The following H3C7 variants were observed in gnomAD, a reference collection of about 807,000 sequenced individuals.
H3C7 encodes H3 clustered histone 7, also known as histone H3.1.
In H3C7, 6 loss-of-function variants were observed where a neutral mutation model predicts 7.6. The observed-to-expected ratio is 0.79, with a 90% CI of 0.43 to 1.56. The LOEUF (loss-of-function observed/expected upper bound fraction) is 1.56. H3C7 is among the 40% of genes most tolerant of loss of function. The pLI is 0.01. For missense variants in H3C7, 163 were observed against 189.8 expected (o/e 0.86, Z 0.83); for synonymous variants, 113 against 77.9 (o/e 1.45, Z -2.38).
In H3C7 at chr6:26,250,555, C is replaced by A. The variant is rs781049383; in HGVS notation, c.51G>T (p.Pro17=). Residue 17 remains proline (P), a synonymous_variant, in exon 1 of 1, where the codon CCG becomes CCT. Coordinates refer to ENST00000618052, the MANE Select transcript of H3C7 (RefSeq NM_021018.3). ...CCGCCTTAGTGGCCAGCTGCTTGCG[C>A]GGGGCTTTGCCGCCAGTGGACTTAC... ...TARKSTGGKA[P]RKQLATKAAR... The A allele has an allele frequency of 1.9e-6, 3 of 1,613,766 alleles. No individual in the cohort carries two copies. In the Admixed American group the frequency reaches 5.0e-5, roughly 27 times the overall value.
chr6:26,250,305 G>C lies in H3C7; in HGVS notation c.301C>G (p.Leu101Val), dbSNP rs200676364. Residue 101 changes from leucine to valine, a missense_variant, in exon 1 of 1, where the codon CTG becomes GTG. By Grantham distance (32) the Leu-to-Val change is conservative. Coordinates refer to ENST00000618052, the MANE Select transcript of H3C7 (RefSeq NM_021018.3). ...MALQEACEAY[L>V]VGLFEDTNLC... ...TTGGTGTCCTCAAAGAGCCCCACCAGGTAAGCCTCGCAGGCCTCCTGCAGC... is the reference window on the plus strand; with the variant it reads ...TTGGTGTCCTCAAAGAGCCCCACCACGTAAGCCTCGCAGGCCTCCTGCAGC... 6.2e-7 allele frequency: 1 copy of C among 1,614,246 alleles called. No individual in the cohort carries two copies. Among genetic ancestry groups the C allele is most frequent in the East Asian group, 2.2e-5 (1 of 44,882 alleles).
In H3C7 at chr6:26,250,308, A is replaced by C. The variant is rs1331582268; in HGVS notation, c.298T>G (p.Tyr100Asp). Residue 100 changes from tyrosine to aspartate, a missense_variant, in exon 1 of 1, where the codon TAC becomes GAC. Tyr to Asp is a radical substitution (Grantham distance 160, BLOSUM62 -3). Coordinates refer to ENST00000618052, the MANE Select transcript of H3C7 (RefSeq NM_021018.3). ...VMALQEACEA[Y>D]LVGLFEDTNL... The stretch of plus-strand genomic sequence containing the variant: ...GTGTCCTCAAAGAGCCCCACCAGGT[A>C]AGCCTCGCAGGCCTCCTGCAGCGCC... 1 of 1,614,244 alleles carries C rather than the reference A, an allele frequency of 6.2e-7. No individual in the cohort carries two copies. The highest frequency in any genetic ancestry group is 8.5e-7 in the Non-Finnish European group (1 of 1,180,032).
chr6:26,250,363 G>A lies in H3C7; in HGVS notation c.243C>T (p.Thr81=), dbSNP rs760469707. The change falls in exon 1 of 1, where the codon ACC becomes ACT. Residue 81 remains threonine, a synonymous_variant. Transcript: ENST00000618052. ...LVREIAQDFK[T]DLRFQSSAVM... Reference sequence around the variant, plus strand: ...CAGCCGAGCTCTGGAAGCGCAGGTCGGTCTTGAAGTCCTGCGCGATCTCAC... The same window carrying A: ...CAGCCGAGCTCTGGAAGCGCAGGTCAGTCTTGAAGTCCTGCGCGATCTCAC... 3 of 1,614,204 alleles carry A rather than the reference G, an allele frequency of 1.9e-6. No homozygotes were observed. Among genetic ancestry groups the A allele is most frequent in the East Asian group, 4.5e-5 (2 of 44,886 alleles).
At position 26,250,280 on chromosome 6, in the gene H3C7, T is replaced by C. The variant is rs1158267252; in HGVS notation, c.326A>G (p.Asn109Ser). 1.9e-6 allele frequency: 3 copies of C among 1,614,216 alleles called. No homozygotes were observed. Among genetic ancestry groups the C allele is most frequent in the Non-Finnish European group, 2.5e-6 (3 of 1,180,034 alleles). ...TCGCTTGGCGTGGATAGCACACAGG[T>C]TGGTGTCCTCAAAGAGCCCCACCAG... ...AYLVGLFEDT[N>S]LCAIHAKRVT... Residue 109 changes from asparagine to serine, a missense_variant, in exon 1 of 1, where the codon AAC becomes AGC. This residue lies in a region of H3C7 where 111 missense variants were observed against 104.1 expected (regional missense o/e 1.07). Transcript: ENST00000618052.
chr6:26,250,521 T>A lies in H3C7; in HGVS notation c.85A>T (p.Ser29Cys). Residue 29 changes from serine to cysteine, a missense_variant, in exon 1 of 1, where the codon AGC becomes TGC. Ser to Cys is a moderately radical substitution (Grantham distance 112, BLOSUM62 -1). This residue lies in a region of H3C7 where 52 missense variants were observed against 85.7 expected (regional missense o/e 0.61). Transcript: ENST00000618052. ...KQLATKAARK[S>C]APATGGVKKP... is the part of the protein sequence containing the mutation. ...TTCACGCCACCGGTGGCTGGCGCGC[T>A]TTTGCGAGCCGCCTTAGTGGCCAGC... 6.2e-7 allele frequency: 1 copy of A among 1,614,036 alleles called. No homozygotes were observed. Among genetic ancestry groups the A allele is most frequent in the Non-Finnish European group, 8.5e-7 (1 of 1,179,984 alleles).
chr6:26,250,274 C>A lies in H3C7; in HGVS notation c.332G>T (p.Cys111Phe). The change falls in exon 1 of 1, where the codon TGT becomes TTT. Residue 111 changes from cysteine (C) to phenylalanine (F), a missense_variant. Cys to Phe is a radical substitution (Grantham distance 205). Transcript: ENST00000618052. ...AGTCACTCGCTTGGCGTGGATAGCA[C>A]ACAGGTTGGTGTCCTCAAAGAGCCC... ...LVGLFEDTNL[C>F]AIHAKRVTIM... 1 of 1,614,254 alleles carries A rather than the reference C, an allele frequency of 6.2e-7. No homozygotes were observed. Among genetic ancestry groups the A allele is most frequent in the Non-Finnish European group, 8.5e-7 (1 of 1,180,050 alleles).
In H3C7 at chr6:26,250,537, A is replaced by C. The variant is rs1467280056; in HGVS notation, c.69T>G (p.Thr23=). 3 of 1,614,024 alleles carry C rather than the reference A, an allele frequency of 1.9e-6. No homozygotes were observed. In the South Asian group the frequency reaches 3.3e-5, roughly 18 times the overall value. Residue 23 remains threonine, a synonymous_variant, in exon 1 of 1, where the codon ACT becomes ACG. Coordinates refer to ENST00000618052, the MANE Select transcript of H3C7 (RefSeq NM_021018.3). ...CTGGCGCGCTTTTGCGAGCCGCCTT[A>C]GTGGCCAGCTGCTTGCGCGGGGCTT... ...GGKAPRKQLA[T]KAARKSAPAT...
rs745680126 is a variant in H3C7 at position 26,250,567 on chromosome 6, G to C, written c.39C>G (p.Gly13=). The part of the protein sequence containing the change: ...RTKQTARKST[G]GKAPRKQLAT... The stretch of plus-strand genomic sequence containing the variant: ...CCAGCTGCTTGCGCGGGGCTTTGCC[G>C]CCAGTGGACTTACGAGCTGTTTGCT... Residue 13 remains glycine, a synonymous_variant, in exon 1 of 1, where the codon GGC becomes GGG. Transcript: ENST00000618052. 1 of 1,613,694 alleles carries C rather than the reference G, an allele frequency of 6.2e-7. No homozygotes were observed. Among genetic ancestry groups the C allele is most frequent in the South Asian group, 1.1e-5 (1 of 91,072 alleles).
chr6:26,250,344 A>T lies in H3C7; in HGVS notation c.262T>A (p.Ser88Thr), dbSNP rs1265784340. The T allele has an allele frequency of 1.2e-6, 2 of 1,614,040 alleles. No individual in the cohort carries two copies. Among genetic ancestry groups the T allele is most frequent in the Non-Finnish European group, 1.7e-6 (2 of 1,180,030 alleles). The part of the protein sequence containing the change: ...DFKTDLRFQS[S>T]AVMALQEACE... ...GCCTCCTGCAGCGCCATCACAGCCG[A>T]GCTCTGGAAGCGCAGGTCGGTCTTG... Residue 88 changes from serine (S) to threonine (T), a missense_variant, in exon 1 of 1, where the codon TCG becomes ACG. Ser to Thr is a moderately conservative substitution (Grantham distance 58). Around this residue, in one of 2 missense-constraint regions of H3C7, gnomAD observed 111 missense variants for 104.1 expected, o/e 1.07. Transcript: ENST00000618052.
Position 26,250,182 on chromosome 6 carries a change from C to T in H3C7, c.*13G>A, listed in dbSNP as rs886518808. On this transcript the variant is annotated 3_prime_UTR_variant, in exon 1 of 1. Transcript: ENST00000618052. The stretch of plus-strand genomic sequence containing the variant: ...AGCCTTTGGTTTAAGTTGGCGCACA[C>T]CCTCAGTACAACTTATGCCCTCTCT... 17 of 1,613,862 alleles carry T rather than the reference C, an allele frequency of 1.1e-5. No individual in the cohort carries two copies. Among genetic ancestry groups the T allele is most frequent in the Middle Eastern group, 1.6e-4 (1 of 6,082 alleles).
rs775337436 is a variant in H3C7, at chr6:26,250,573, G to A, written c.33C>T (p.Ser11=). MARTKQTARK[S]TGGKAPRKQL... Reference sequence around the variant, plus strand: ...GCTTGCGCGGGGCTTTGCCGCCAGTGGACTTACGAGCTGTTTGCTTCGTGC... The same window carrying A: ...GCTTGCGCGGGGCTTTGCCGCCAGTAGACTTACGAGCTGTTTGCTTCGTGC... The change falls in exon 1 of 1, where the codon TCC becomes TCT. Residue 11 remains serine (S), a synonymous_variant. Coordinates refer to ENST00000618052, the MANE Select transcript of H3C7 (RefSeq NM_021018.3). 32 of 1,613,620 alleles carry A rather than the reference G, an allele frequency of 2.0e-5. No individual in the cohort carries two copies. Among genetic ancestry groups the A allele is most frequent in the Non-Finnish European group, 2.6e-5 (31 of 1,179,854 alleles).
Position 26,250,515 on chromosome 6 carries a change from G to A in H3C7, c.91C>T (p.Pro31Ser). Residue 31 changes from proline (P) to serine (S), a missense_variant, in exon 1 of 1, where the codon CCA (proline) becomes TCA (serine). Around this residue, in one of 2 missense-constraint regions of H3C7, gnomAD observed 52 missense variants for 85.7 expected, o/e 0.61. Transcript: ENST00000618052. The stretch of plus-strand genomic sequence containing the variant: ...GGCTTCTTCACGCCACCGGTGGCTG[G>A]CGCGCTTTTGCGAGCCGCCTTAGTG... ...LATKAARKSA[P>S]ATGGVKKPHR... 1 of 1,614,024 alleles carries A rather than the reference G, an allele frequency of 6.2e-7. No homozygotes were observed. Among genetic ancestry groups the A allele is most frequent in the Non-Finnish European group, 8.5e-7 (1 of 1,180,004 alleles).
chr6:26,250,340 G>C lies in H3C7; in HGVS notation c.266C>G (p.Ala89Gly), dbSNP rs2113589654. 3 of 1,614,246 alleles carry C rather than the reference G, an allele frequency of 1.9e-6. No homozygotes were observed. The highest frequency in any genetic ancestry group is 1.7e-6 in the Non-Finnish European group (2 of 1,180,040). The change falls in exon 1 of 1, where the codon GCT becomes GGT. Residue 89 changes from alanine (A) to glycine (G), a missense_variant. Physicochemically the swap from Ala to Gly is moderately conservative, Grantham distance 60. Transcript: ENST00000618052. ...FKTDLRFQSS[A>G]VMALQEACEA... ...GCAGGCCTCCTGCAGCGCCATCACA[G>C]CCGAGCTCTGGAAGCGCAGGTCGGT...
Position 26,250,172 on chromosome 6 carries a change from T to G in H3C7, c.*23A>C, listed in dbSNP as rs994612520. Reference sequence around the variant, plus strand: ...CTCTGAAAAGAGCCTTTGGTTTAAGTTGGCGCACACCCTCAGTACAACTTA... The same window carrying G: ...CTCTGAAAAGAGCCTTTGGTTTAAGGTGGCGCACACCCTCAGTACAACTTA... On this transcript the variant is annotated 3_prime_UTR_variant, in exon 1 of 1. Coordinates refer to ENST00000618052, the MANE Select transcript of H3C7 (RefSeq NM_021018.3). 7 of 1,612,868 alleles carry G rather than the reference T, an allele frequency of 4.3e-6. No individual in the cohort carries two copies. In the South Asian group the frequency reaches 7.7e-5, roughly 18 times the overall value.
rs764948139 is a variant in H3C7, at chr6:26,250,516, C to A, written c.90G>T (p.Ala30=). 1.7e-5 allele frequency: 27 copies of A among 1,613,852 alleles called. No individual in the cohort carries two copies. The highest frequency in any genetic ancestry group is 6.8e-6 in the Non-Finnish European group (8 of 1,179,996). ...QLATKAARKS[A]PATGGVKKPH... ...GCTTCTTCACGCCACCGGTGGCTGG[C>A]GCGCTTTTGCGAGCCGCCTTAGTGG... The change falls in exon 1 of 1, where the codon GCG becomes GCT. Residue 30 remains alanine (A), a synonymous_variant. Coordinates refer to ENST00000618052, the MANE Select transcript of H3C7 (RefSeq NM_021018.3).
At position 26,250,425 on chromosome 6, in the gene H3C7, G is replaced by C. The variant is rs778383387; in HGVS notation, c.181C>G (p.Leu61Val). 1 of 1,614,066 alleles carries C rather than the reference G, an allele frequency of 6.2e-7. No homozygotes were observed. Among genetic ancestry groups the C allele is most frequent in the African/African-American group, 1.3e-5 (1 of 74,926 alleles). Reference sequence around the variant, plus strand: ...TGGAATGGTAGCTTGCGAATCAGTAGCTCAGTCGATTTCTGATAGCGGCGG... The same window carrying C: ...TGGAATGGTAGCTTGCGAATCAGTACCTCAGTCGATTTCTGATAGCGGCGG... The part of the protein sequence containing the change: ...EIRRYQKSTE[L>V]LIRKLPFQRL... Residue 61 changes from leucine to valine, a missense_variant, in exon 1 of 1, where the codon CTA becomes GTA. By Grantham distance (32) the Leu-to-Val change is conservative (BLOSUM62 1). Coordinates refer to ENST00000618052, the MANE Select transcript of H3C7 (RefSeq NM_021018.3).
rs1252652910 is a variant in H3C7 at position 26,250,558 on chromosome 6, G to A, written c.48C>T (p.Ala16=). 6.2e-7 allele frequency: 1 copy of A among 1,613,714 alleles called. No individual in the cohort carries two copies. The highest frequency in any genetic ancestry group is 8.5e-7 in the Non-Finnish European group (1 of 1,179,914). ...CCTTAGTGGCCAGCTGCTTGCGCGG[G>A]GCTTTGCCGCCAGTGGACTTACGAG... ...QTARKSTGGK[A]PRKQLATKAA... Residue 16 remains alanine (A), a synonymous_variant, in exon 1 of 1, where the codon GCC becomes GCT. Coordinates refer to ENST00000618052, the MANE Select transcript of H3C7 (RefSeq NM_021018.3).
chr6:26,250,174 G>C lies in H3C7; in HGVS notation c.*21C>G, dbSNP rs1561758838. The C allele has an allele frequency of 6.2e-7, 1 of 1,612,846 alleles. No homozygotes were observed. The highest frequency in any genetic ancestry group is 1.7e-5 in the Admixed American group (1 of 59,502). On this transcript the variant is annotated 3_prime_UTR_variant, in exon 1 of 1. Transcript: ENST00000618052. ...CTGAAAAGAGCCTTTGGTTTAAGTT[G>C]GCGCACACCCTCAGTACAACTTATG...
In H3C7 at chr6:26,250,621, G is replaced by C; in HGVS notation, c.-16C>G. 1 of 1,608,916 alleles carries C rather than the reference G, an allele frequency of 6.2e-7. No individual in the cohort carries two copies. The highest frequency in any genetic ancestry group is 8.5e-7 in the Non-Finnish European group (1 of 1,178,658). ...TGCGTGCCATAGGAATGGGTTTCAA[G>C]CAATGGTCACAACTGAACAAACAGT... is the stretch of plus-strand genomic sequence containing the variant. On this transcript the variant is annotated 5_prime_UTR_variant, in exon 1 of 1. Coordinates refer to ENST00000618052, the MANE Select transcript of H3C7 (RefSeq NM_021018.3).
Sources: allele counts gnomAD v4.1 joint callset, GRCh38; gene constraint gnomAD v4.1.1; regional missense constraint gnomAD v4.1.1; transcripts MANE v1.5; gene names NCBI Gene and HGNC (gene_info 2026-07-23, HGNC 2026-07-21).